ABLIM1: variants seen among roughly 807,000 people sequenced by gnomAD.
The protein encoded by ABLIM1 is actin-binding LIM protein 1.
ABLIM1 carries 40 observed loss-of-function variants against 107.0 expected under a neutral mutation model. That is an observed-to-expected ratio of 0.37 (90% CI 0.29 to 0.49). ABLIM1 has a LOEUF of 0.49. Ranked by LOEUF, ABLIM1 falls within the 20% of genes least tolerant of loss-of-function variation. ABLIM1 has a pLI of 0.97. For synonymous variants in ABLIM1, 357 were observed against 357.3 expected (o/e 1.00, Z 0.01); for missense variants, 857 against 1,008.5 (o/e 0.85, Z 2.04).
intron 1 of ABLIM1, chr10:114,690,510 T>C (rs770359381): frequency 5.6e-5 from 83 of 1,477,300 alleles, no homozygotes; most frequent in Non-Finnish European, 7.6e-5. Context: ...ACCAAATCCT[T>C]TCTCTCCCAT....
At chr10:114,554,784 G>GT (rs940990774) in intron 4 of ABLIM1, among the ~76,000 whole-genome samples, 3 of 152,150 alleles carry the variant, frequency 2.0e-5, no homozygotes, top group Non-Finnish European at 4.4e-5. Flanking sequence ...AGTCTTCACT[G>GT]TTTTGTCCCC....
At chr10:114,799,225 C>T in the ABLIM1 span, among the ~76,000 whole-genome samples, 1 of 152,208 alleles carries the variant, frequency 6.6e-6, no homozygotes, top group African/African-American at 2.4e-5. Flanking sequence ...TCCCAGCCTC[C>T]AAATCTTGGA....
At chr10:114,667,481 C>T (rs918954071) in intron 1 of ABLIM1, among the ~76,000 whole-genome samples, 1 of 152,186 alleles carries the variant, frequency 6.6e-6, no homozygotes, top group Non-Finnish European at 1.5e-5. Flanking sequence ...ACATTTTACT[C>T]TACAATTTTT....
intron 6 of ABLIM1, among the ~76,000 whole-genome samples, chr10:114,538,517 G>A (rs946986138): frequency 3.9e-5 from 6 of 152,230 alleles, no homozygotes; most frequent in African/African-American, 7.2e-5. Flanking sequence ...ATCACTGCAC[G>A]TTCCCAGAGA....
chr10:114,655,389 G>C (rs772438770), intron 1 of ABLIM1, among the ~76,000 whole-genome samples: 3 of 152,170 alleles, frequency 2.0e-5, no homozygotes, highest in Non-Finnish European at 4.4e-5. Context: ...TTAAACTACA[G>C]CTTACCTGGC....
intron 6 of ABLIM1, among the ~76,000 whole-genome samples, chr10:114,496,011 A>G (rs1350414055): frequency 2.0e-5 from 3 of 152,252 alleles, no homozygotes; most frequent in Non-Finnish European, 2.9e-5. Flanking sequence ...AAGTAATAAC[A>G]ATAATGATAC....
At chr10:114,753,310 C>G (rs2082558502) in intron 1 of ABLIM1, among the ~76,000 whole-genome samples, 2 of 152,326 alleles carry the variant, frequency 1.3e-5, no homozygotes, top group Middle Eastern at 3.4e-3. Flanking sequence ...TTCTGTGCAC[C>G]ATGCTCTCTT....
chr10:114,537,331 T>C (rs1026588740), intron 6 of ABLIM1, among the ~76,000 whole-genome samples: 1 of 152,222 alleles, frequency 6.6e-6, no homozygotes, highest in African/African-American at 2.4e-5. Flanking sequence ...TAATGTATAA[T>C]GCTCAAGTCA....
chr10:114,666,441 A>G (rs2080027952), intron 1 of ABLIM1, among the ~76,000 whole-genome samples: 1 of 152,210 alleles, frequency 6.6e-6, no homozygotes, highest in Admixed American at 6.5e-5. Context: ...ATAAATCACA[A>G]AGAAACTAAT....
intron 18 of ABLIM1, among the ~76,000 whole-genome samples, 176 bp downstream of exon 18, chr10:114,441,546 C>T (rs574174789): frequency 2.2e-4 from 33 of 152,142 alleles, no homozygotes; most frequent in Non-Finnish European, 4.6e-4. Context: ...TCAATAGAAA[C>T]ATTTTATTTT....
chr10:114,551,145 G>A (rs1326510489), intron 4 of ABLIM1, among the ~76,000 whole-genome samples: 2 of 152,202 alleles, frequency 1.3e-5, no homozygotes, highest in East Asian at 3.9e-4. Context: ...AACAGCCATT[G>A]CCTAGGCTGC....
intron 1 of ABLIM1, among the ~76,000 whole-genome samples, chr10:114,701,868 T>G (rs73371880): frequency 0.025 from 3,744 of 152,302 alleles, 142 homozygotes; most frequent in African/African-American, 0.085. Context: ...GCCAAGATTC[T>G]TACATTTCAA....
At chr10:114,437,165 G>A (rs1402784225) in intron 22 of ABLIM1, among the ~76,000 whole-genome samples, 1 of 152,028 alleles carries the variant, frequency 6.6e-6, no homozygotes, top group Non-Finnish European at 1.5e-5. Context: ...CTCAACCCCA[G>A]CTCAGGGGAA....
chr10:114,586,785 TA>T (rs964815923), intron 2 of ABLIM1, among the ~76,000 whole-genome samples: 2 of 152,220 alleles, frequency 1.3e-5, no homozygotes, highest in Non-Finnish European at 2.9e-5. Flanking sequence ...TTTCCTGACC[TA>T]AATATCTAGG....
At chr10:114,492,601 A>T (rs1280480839) in intron 6 of ABLIM1, among the ~76,000 whole-genome samples, 1 of 152,262 alleles carries the variant, frequency 6.6e-6, no homozygotes, top group Non-Finnish European at 1.5e-5. Flanking sequence ...GTGCCAAATC[A>T]CATTAGAGTC....
the ABLIM1 span, among the ~76,000 whole-genome samples, chr10:114,788,658 G>T: frequency 3.3e-5 from 5 of 151,970 alleles, no homozygotes. Flanking sequence ...AACCTGGGAG[G>T]TGGAGGTTGC....
chr10:114,498,755 G>A (rs886708213), intron 6 of ABLIM1, among the ~76,000 whole-genome samples: 1 of 152,182 alleles, frequency 6.6e-6, no homozygotes, highest in Admixed American at 6.5e-5. Flanking sequence ...CCAAGCTCAG[G>A]CAAACATGTT....
chr10:114,497,317 G>C (rs960856869), intron 6 of ABLIM1, among the ~76,000 whole-genome samples: 5 of 152,192 alleles, frequency 3.3e-5, no homozygotes, highest in African/African-American at 1.2e-4. Flanking sequence ...TGCTGCTAGA[G>C]AGCTCACCAG....
At chr10:114,528,426 G>A (rs979996068) in intron 6 of ABLIM1, among the ~76,000 whole-genome samples, 1 of 152,234 alleles carries the variant, frequency 6.6e-6, no homozygotes, top group Non-Finnish European at 1.5e-5. Context: ...CTGAGAAAAT[G>A]TAAGGTTTTA....
Sources: gnomAD v4.1 joint callset for allele counts (sites outside exome capture counted in the v4.1 genomes callset) on GRCh38, gnomAD v4.1.1 for gene constraint, MANE v1.5 for transcripts, NCBI Gene and HGNC (gene_info 2026-07-23, HGNC 2026-07-21) for gene names.